ORC5: variants seen among roughly 807,000 people sequenced by gnomAD.
The protein encoded by ORC5 is origin recognition complex subunit 5.
Under a neutral mutation model 58.8 loss-of-function variants are expected in ORC5, and 39 were observed. That is an observed-to-expected ratio of 0.66 (90% confidence interval 0.51 to 0.87). The LOEUF (loss-of-function observed/expected upper bound fraction) is 0.87, where lower values mean the gene tolerates loss of function less well. Ranked by LOEUF, ORC5 falls within the 40% of genes least tolerant of loss-of-function variation. ORC5 has a pLI of 0.00. For missense variants in ORC5, 493 were observed against 506.3 expected (o/e 0.97, Z 0.25); for synonymous variants, 218 against 177.6 (o/e 1.23, Z -1.81).
At chr7:104,200,729 AGAT>A in intron 3 of ORC5, 26 bp downstream of exon 3, 2 of 1,306,352 alleles carry the variant, frequency 1.5e-6, no homozygotes, top group Non-Finnish European at 2.2e-6. Flanking sequence ...TCAAGATAAG[AGAT>A]GATCTAATCA....
chr7:104,128,757 T>C (rs886239678), intron 13 of ORC5, among the ~76,000 whole-genome samples: 3 of 144,240 alleles, frequency 2.1e-5, no homozygotes, highest in African/African-American at 5.1e-5. Flanking sequence ...TTCCCACCTA[T>C]AGACTACTTT....
intron 12 of ORC5, among the ~76,000 whole-genome samples, chr7:104,147,185 G>T: frequency 6.6e-6 from 1 of 151,450 alleles, no homozygotes; most frequent in African/African-American, 2.4e-5. Flanking sequence ...CTACTTAAAG[G>T]CAGATGATTA....
In ORC5 at chr7:104,161,128, T is replaced by C; in HGVS notation, c.1093A>G (p.Ile365Val). ...KPFPLDRLLA[I>V]LYSIVDSRVA... ...CTGCTGTCCACGATACTATATAATA[T>C]TGCTAATAATCTGTCTAGTGGAAAT... is the stretch of plus-strand genomic sequence containing the variant. The change falls in exon 12 of 14, where the codon ATA (isoleucine) becomes GTA (valine). Residue 365 changes from isoleucine (I) to valine (V), a missense_variant. Transcript: ENST00000297431. 1 of 1,611,490 alleles carries C rather than the reference T, an allele frequency of 6.2e-7. No individual in the cohort carries two copies. The highest frequency in any genetic ancestry group is 8.5e-7 in the Non-Finnish European group (1 of 1,177,870).
chr7:104,204,530 T>G (rs1800028142), intron 1 of ORC5, among the ~76,000 whole-genome samples: 1 of 152,232 alleles, frequency 6.6e-6, no homozygotes, highest in Admixed American at 6.5e-5. Flanking sequence ...TTCAACTTCA[T>G]AGCAGATTTA....
intron 2 of ORC5, 99 bp from the exon 3 acceptor site, chr7:104,201,057 T>C: frequency 9.8e-7 from 1 of 1,024,450 alleles, no homozygotes; most frequent in Non-Finnish European, 1.4e-6. Flanking sequence ...TAAATCTATA[T>C]CCCACCAAAC....
intron 1 of ORC5, among the ~76,000 whole-genome samples, chr7:104,206,129 T>G (rs1800076683): frequency 6.6e-6 from 1 of 152,234 alleles, no homozygotes; most frequent in Non-Finnish European, 1.5e-5. Flanking sequence ...TGACCTAGAA[T>G]TATATTGAAC....
chr7:104,176,102 T>C lies in ORC5; in HGVS notation c.825-7577A>G, dbSNP rs756849395. Among the ~76,000 whole-genome samples the C allele has an allele frequency of 3.9e-5, 6 of 152,356 alleles. No homozygotes were observed. In the South Asian group the frequency reaches 8.3e-4, roughly 21 times the overall value. On this transcript the variant is annotated intron_variant, in intron 8 of 13. Coordinates refer to ENST00000297431, the MANE Select transcript of ORC5 (RefSeq NM_002553.4). ...ACAGGTCCCAATTTTATCAGAAATA[T>C]AGTTTGGATCCAACTATCCTTTTAT...
chr7:104,201,982 T>C (rs1300059412), intron 2 of ORC5, among the ~76,000 whole-genome samples: 1 of 151,992 alleles, frequency 6.6e-6, no homozygotes, highest in Non-Finnish European at 1.5e-5. Flanking sequence ...CCCAGCTACT[T>C]GGGAGGCTGA....
At chr7:104,150,819 A>G (rs981172018) in intron 12 of ORC5, among the ~76,000 whole-genome samples, 1 of 151,900 alleles carries the variant, frequency 6.6e-6, no homozygotes, top group Non-Finnish European at 1.5e-5. Flanking sequence ...GCCCTCAAAC[A>G]TCAGGGTAGT....
At chr7:104,137,893 C>T (rs539996679) in intron 12 of ORC5, among the ~76,000 whole-genome samples, 1 of 152,344 alleles carries the variant, frequency 6.6e-6, no homozygotes, top group African/African-American at 2.4e-5. Flanking sequence ...ACTAAGGATA[C>T]AGAAAGCCCT....
intron 12 of ORC5, among the ~76,000 whole-genome samples, chr7:104,155,086 A>G (rs913003497): frequency 2.0e-5 from 3 of 151,838 alleles, no homozygotes; most frequent in African/African-American, 7.2e-5. Flanking sequence ...CAACACCTAA[A>G]TGAGTAGTAA....
chr7:104,192,528 A>C (rs528892419), intron 5 of ORC5, among the ~76,000 whole-genome samples: 1 of 152,154 alleles, frequency 6.6e-6, no homozygotes, highest in Non-Finnish European at 1.5e-5. Flanking sequence ...CTCCAAAAAA[A>C]GCTTAAAAAT....
At chr7:104,191,552 G>A (rs1297512072) in intron 5 of ORC5, among the ~76,000 whole-genome samples, 1 of 151,988 alleles carries the variant, frequency 6.6e-6, no homozygotes, top group Non-Finnish European at 1.5e-5. Flanking sequence ...GTTATCACCG[G>A]CCGATTTCAG....
intron 12 of ORC5, among the ~76,000 whole-genome samples, chr7:104,137,107 T>G (rs552384380): frequency 1.5e-4 from 22 of 149,666 alleles, no homozygotes; most frequent in South Asian, 6.2e-4. Flanking sequence ...GTTTTGTTTT[T>G]TTTTTTTTTC....
At chr7:104,193,869 A>G (rs989981696) in intron 5 of ORC5, among the ~76,000 whole-genome samples, 6 of 151,696 alleles carry the variant, frequency 4.0e-5, no homozygotes, top group African/African-American at 1.4e-4. Flanking sequence ...TTGTCCTCAA[A>G]CTTTCATCTA....
chr7:104,174,587 C>T (rs13230700), intron 8 of ORC5, among the ~76,000 whole-genome samples: 56,985 of 151,924 alleles, frequency 0.38, 12,721 homozygotes, highest in Non-Finnish European at 0.51. Flanking sequence ...GAACAGCAGG[C>T]GACCCTAGGG....
intron 4 of ORC5, 104 bp downstream of exon 4, chr7:104,197,621 A>T: frequency 1.5e-6 from 1 of 653,148 alleles, no homozygotes; most frequent in Non-Finnish European, 2.6e-6. Context: ...CTAAAATTAT[A>T]TTAAAATACT....
At chr7:104,191,239 T>C (rs955669883) in intron 5 of ORC5, among the ~76,000 whole-genome samples, 2 of 151,480 alleles carry the variant, frequency 1.3e-5, no homozygotes, top group African/African-American at 2.4e-5. Context: ...ATAGTTAATA[T>C]ACTGAAAATT....
intron 3 of ORC5, among the ~76,000 whole-genome samples, chr7:104,199,308 CAG>C (rs1267975012): frequency 6.6e-6 from 1 of 152,224 alleles, no homozygotes; most frequent in Non-Finnish European, 1.5e-5. Flanking sequence ...GTGAAAACAG[CAG>C]AGAGGGCAAC....
Sources: allele counts gnomAD v4.1 joint callset (sites outside exome capture counted in the v4.1 genomes callset), GRCh38; gene constraint gnomAD v4.1.1; transcripts MANE v1.5; gene names NCBI Gene and HGNC (gene_info 2026-07-23, HGNC 2026-07-21).